The following RTN4IP1 variants were observed in gnomAD, a reference collection of about 807,000 sequenced individuals.
The protein encoded by RTN4IP1 is NAD(P)H oxidoreductase RTN4IP1, mitochondrial.
RTN4IP1 carries 32 observed loss-of-function variants against 46.6 expected under a neutral mutation model. The observed-to-expected ratio is 0.69, with a 90% confidence interval of 0.52 to 0.92. RTN4IP1 has a LOEUF of 0.92. Ranked by LOEUF, RTN4IP1 falls within the 40% of genes least tolerant of loss-of-function variation. The probability of loss-of-function intolerance (pLI) is 0.00; values close to 1 mark genes in which losing one functional copy is unlikely to be tolerated. For synonymous variants in RTN4IP1, 167 were observed against 161.8 expected (o/e 1.03, Z -0.24); for missense variants, 424 against 485.8 (o/e 0.87, Z 1.20).
chr6:106,596,228 G>A (rs534463495), intron 5 of RTN4IP1, among the ~76,000 whole-genome samples: 1 of 152,224 alleles, frequency 6.6e-6, no homozygotes, highest in Non-Finnish European at 1.5e-5. Flanking sequence ...CCTTGTTTCA[G>A]TGAGAAATGA....
intron 1 of RTN4IP1, among the ~76,000 whole-genome samples, chr6:106,625,856 A>G (rs771503295): frequency 2.6e-5 from 4 of 151,740 alleles, no homozygotes; most frequent in Non-Finnish European, 5.9e-5. Context: ...GGGTTTCTCC[A>G]TGTTGATCAG....
chr6:106,600,164 G>A lies in RTN4IP1; in HGVS notation c.669+2710C>T, dbSNP rs9486421. ...CCATCTGGGTTCTCAAAAAGTCTAAGCTGGGTCTGGGGTGGTCTATAACAC... is the reference window on the plus strand; with the variant it reads ...CCATCTGGGTTCTCAAAAAGTCTAAACTGGGTCTGGGGTGGTCTATAACAC... On this transcript the variant is annotated intron_variant, in intron 5 of 8. Transcript: ENST00000369063. Among the ~76,000 whole-genome samples the A allele has an allele frequency of 1.4e-3, 219 of 152,122 alleles. 1 individual carries two copies. The highest frequency in any genetic ancestry group is 5.1e-3 in the African/African-American group (212 of 41,490).
intron 5 of RTN4IP1, among the ~76,000 whole-genome samples, chr6:106,592,794 G>A (rs548156376): frequency 2.6e-5 from 4 of 152,128 alleles, no homozygotes; most frequent in East Asian, 3.9e-4. Context: ...ACATGGTAGC[G>A]GGCGGGCACC....
At chr6:106,597,843 C>T (rs1472980111) in intron 5 of RTN4IP1, among the ~76,000 whole-genome samples, 2 of 152,078 alleles carry the variant, frequency 1.3e-5, no homozygotes, top group Admixed American at 1.3e-4. Flanking sequence ...TATCCCTCCC[C>T]GCTCCCCGCA....
At chr6:106,623,010 T>G in intron 1 of RTN4IP1, 41 bp from the exon 2 acceptor site, 3 of 1,599,132 alleles carry the variant, frequency 1.9e-6, no homozygotes, top group Non-Finnish European at 2.6e-6. Flanking sequence ...AATGTAAGTA[T>G]GAAATGCTTT....
intron 5 of RTN4IP1, among the ~76,000 whole-genome samples, chr6:106,594,789 A>G (rs539513074): frequency 1.6e-4 from 25 of 151,672 alleles, no homozygotes; most frequent in Non-Finnish European, 3.4e-4. Flanking sequence ...TTTTTTTATT[A>G]TTTATTTTTG....
At chr6:106,583,459 A>T (rs1775416644) in intron 7 of RTN4IP1, 39 bp from the exon 8 acceptor site, 2 of 1,516,864 alleles carry the variant, frequency 1.3e-6, no homozygotes, top group African/African-American at 2.7e-5. Context: ...ATACAGAAAA[A>T]CATAAAATCT....
chr6:106,603,189 C>T (rs928513626), intron 4 of RTN4IP1, among the ~76,000 whole-genome samples: 3 of 152,106 alleles, frequency 2.0e-5, no homozygotes, highest in Admixed American at 6.5e-5. Flanking sequence ...TTTAAGATAG[C>T]TCAGATGGTC....
chr6:106,577,660 A>C (rs965597678), intron 8 of RTN4IP1, among the ~76,000 whole-genome samples: 4 of 152,102 alleles, frequency 2.6e-5, no homozygotes, highest in African/African-American at 9.7e-5. Flanking sequence ...TGGCAAAAGG[A>C]CTTTGCTGGT....
chr6:106,592,027 C>T, intron 6 of RTN4IP1, 137 bp downstream of exon 6: 1 of 897,730 alleles, frequency 1.1e-6, no homozygotes, highest in Non-Finnish European at 1.7e-6. Flanking sequence ...ACCTAAGTAA[C>T]TTCTAGTGAC....
At chr6:106,573,186 C>G (rs1775125259) in intron 8 of RTN4IP1, among the ~76,000 whole-genome samples, 1 of 152,210 alleles carries the variant, frequency 6.6e-6, no homozygotes, top group Admixed American at 6.5e-5. Context: ...ACATCCTCTC[C>G]ATGCAAAAAT....
intron 6 of RTN4IP1, among the ~76,000 whole-genome samples, chr6:106,591,826 ACTCTAT>A (rs1775671062): frequency 2.0e-5 from 3 of 152,024 alleles, no homozygotes; most frequent in Non-Finnish European, 4.4e-5. Flanking sequence ...TTCATGAACT[ACTCTAT>A]ATTCTTCCTG....
chr6:106,609,080 G>C (rs1362278529), intron 4 of RTN4IP1, among the ~76,000 whole-genome samples: 1 of 152,150 alleles, frequency 6.6e-6, no homozygotes, highest in African/African-American at 2.4e-5. Flanking sequence ...TCCCTTGAAG[G>C]ACCAAGTCCC....
Position 106,628,893 on chromosome 6 carries a change from C to T in RTN4IP1, c.129G>A (p.Met43Ile). Reference protein sequence around the residue: ...ISTTSPRSTVMPAWVIDKYGK... With the variant: ...ISTTSPRSTVIPAWVIDKYGK... ...CATATTTATCTATCACCCAAGCAGG[C>T]ATGACAGTGCTCCTAGGAGAGGTAG... is the stretch of plus-strand genomic sequence containing the variant. Residue 43 changes from methionine (M) to isoleucine (I), a missense_variant, in exon 1 of 9, where the codon ATG (methionine) becomes ATA (isoleucine). Physicochemically the swap from Met to Ile is conservative, Grantham distance 10. Transcript: ENST00000369063. The T allele has an allele frequency of 1.9e-6, 3 of 1,614,126 alleles. No individual in the cohort carries two copies. The highest frequency in any genetic ancestry group is 1.7e-4 in the Middle Eastern group (1 of 6,050).
chr6:106,584,229 G>A lies in RTN4IP1; in HGVS notation c.991-809C>T, dbSNP rs147037482. On this transcript the variant is annotated intron_variant, in intron 7 of 8. Coordinates refer to ENST00000369063, the MANE Select transcript of RTN4IP1 (RefSeq NM_032730.5). ...GCTAGGATTACAGGCGTGAGCCACT[G>A]TGCCTGGCTGTAATTGTTATTCTTT... Among the ~76,000 whole-genome samples the A allele has an allele frequency of 3.3e-5, 5 of 152,336 alleles. No individual in the cohort carries two copies. The East Asian group carries it at 9.6e-4, about 29-fold the overall frequency.
chr6:106,605,075 C>T (rs756785703), intron 4 of RTN4IP1, among the ~76,000 whole-genome samples: 33 of 152,158 alleles, frequency 2.2e-4, no homozygotes, highest in Non-Finnish European at 3.8e-4. Context: ...AGCAGGAATG[C>T]CATGTAGCTG....
intron 3 of RTN4IP1, among the ~76,000 whole-genome samples, chr6:106,620,580 C>T (rs757359334): frequency 2.0e-5 from 3 of 152,078 alleles, no homozygotes; most frequent in Non-Finnish European, 4.4e-5. Flanking sequence ...TAAAATCATT[C>T]CAGTTCATGT....
intron 8 of RTN4IP1, among the ~76,000 whole-genome samples, chr6:106,578,041 T>C (rs1012382845): frequency 1.3e-5 from 2 of 152,190 alleles, no homozygotes; most frequent in African/African-American, 2.4e-5. Context: ...CAAATATGTA[T>C]AAATATTTTC....
chr6:106,596,108 A>C (rs1033364540), intron 5 of RTN4IP1, among the ~76,000 whole-genome samples: 2 of 152,214 alleles, frequency 1.3e-5, no homozygotes, highest in African/African-American at 4.8e-5. Flanking sequence ...GAGTCTTTTG[A>C]CATGACCTGA....
Sources: gnomAD v4.1 joint callset for allele counts (sites outside exome capture counted in the v4.1 genomes callset) on GRCh38, gnomAD v4.1.1 for gene constraint, MANE v1.5 for transcripts, NCBI Gene and HGNC (gene_info 2026-07-23, HGNC 2026-07-21) for gene names.